NR3C2: variants seen among roughly 807,000 people sequenced by gnomAD.
The protein encoded by NR3C2 is mineralocorticoid receptor.
Under a neutral mutation model 86.4 loss-of-function variants are expected in NR3C2, and 15 were observed. That is an observed-to-expected ratio of 0.17 (90% CI 0.12 to 0.27). NR3C2 has a LOEUF of 0.27. Ranked by LOEUF, NR3C2 falls within the 10% of genes least tolerant of loss-of-function variation. The pLI is 1.00. For missense variants in NR3C2, 960 were observed against 1,195.6 expected (o/e 0.80, Z 2.91); for synonymous variants, 458 against 450.5 (o/e 1.02, Z -0.21).
At chr4:148,349,730 G>A (rs142511130) in intron 2 of NR3C2, among the ~76,000 whole-genome samples, 13 of 152,182 alleles carry the variant, frequency 8.5e-5, no homozygotes, top group Non-Finnish European at 1.8e-4. Context: ...ATGACAAACA[G>A]TATCACAGTT....
intron 3 of NR3C2, among the ~76,000 whole-genome samples, chr4:148,245,926 G>T (rs1030902707): frequency 6.6e-6 from 1 of 152,074 alleles, no homozygotes. Context: ...GCAGTGGGAA[G>T]AATACTTATC....
chr4:148,142,886 G>T (rs989423458), intron 6 of NR3C2, among the ~76,000 whole-genome samples: 2 of 152,156 alleles, frequency 1.3e-5, no homozygotes, highest in African/African-American at 2.4e-5. Context: ...TTAAAAGTGT[G>T]TGGCGCATCC....
intron 2 of NR3C2, among the ~76,000 whole-genome samples, chr4:148,423,568 A>ATTT (rs1749385208): frequency 6.6e-6 from 1 of 152,224 alleles, no homozygotes; most frequent in Admixed American, 6.5e-5. Context: ...GCGGGGGGAA[A>ATTT]AAAGCTGTAT....
intron 2 of NR3C2, among the ~76,000 whole-genome samples, chr4:148,282,643 C>CA (rs1477746086): frequency 6.6e-6 from 1 of 152,078 alleles, no homozygotes; most frequent in Non-Finnish European, 1.5e-5. Flanking sequence ...CCCAGTTAAA[C>CA]ACAGGGTGTG....
intron 3 of NR3C2, among the ~76,000 whole-genome samples, chr4:148,211,264 C>T (rs893073883): frequency 5.3e-5 from 8 of 152,024 alleles, no homozygotes; most frequent in African/African-American, 1.4e-4. Context: ...AAATAAAACC[C>T]GAAAAATATA....
At chr4:148,261,214 T>C (rs1740082878) in intron 2 of NR3C2, among the ~76,000 whole-genome samples, 1 of 151,894 alleles carries the variant, frequency 6.6e-6, no homozygotes, top group Non-Finnish European at 1.5e-5. Context: ...AGCGCTATGG[T>C]AAGCCCTATG....
chr4:148,395,009 T>A (rs1747789956), intron 2 of NR3C2, among the ~76,000 whole-genome samples: 1 of 151,986 alleles, frequency 6.6e-6, no homozygotes, highest in African/African-American at 2.4e-5. Context: ...ATTTGGTGGG[T>A]TGGAAATAAA....
intron 2 of NR3C2, among the ~76,000 whole-genome samples, chr4:148,287,699 G>A (rs72655276): frequency 6.6e-6 from 1 of 152,108 alleles, no homozygotes. Context: ...TCAAGTTCTA[G>A]TAGGAAATAT....
chr4:148,366,788 G>C (rs1163019318), intron 2 of NR3C2, among the ~76,000 whole-genome samples: 2 of 151,918 alleles, frequency 1.3e-5, no homozygotes, highest in Admixed American at 6.6e-5. Flanking sequence ...AAAAAACCCA[G>C]GCAAGAATCA....
chr4:148,084,590 A>G (rs768268557), intron 8 of NR3C2, among the ~76,000 whole-genome samples: 25 of 152,270 alleles, frequency 1.6e-4, no homozygotes, highest in Non-Finnish European at 2.8e-4. Flanking sequence ...CATCGATGCT[A>G]TGAAGAAACT....
At chr4:148,442,750 G>A, upstream of NR3C2, 1 of 985,398 alleles carries the variant, frequency 1.0e-6, no homozygotes, top group South Asian at 4.7e-5. Flanking sequence ...CGGGAGCTTG[G>A]GGTGCCGGGC....
intron 7 of NR3C2, among the ~76,000 whole-genome samples, chr4:148,117,532 ACG>A (rs1732327259): frequency 2.5e-5 from 1 of 40,758 alleles, no homozygotes; most frequent in Non-Finnish European, 7.0e-5. Context: ...TATCACACTT[ACG>A]TGCCTCCGTT....
intron 6 of NR3C2, among the ~76,000 whole-genome samples, chr4:148,140,482 C>T (rs1018247721): frequency 4.6e-5 from 7 of 152,228 alleles, no homozygotes; most frequent in African/African-American, 9.6e-5. Flanking sequence ...TGCAGTGAGC[C>T]GTTGTGCTAC....
At chr4:148,418,223 C>T (rs61758337) in intron 2 of NR3C2, among the ~76,000 whole-genome samples, 9 of 152,032 alleles carry the variant, frequency 5.9e-5, no homozygotes, top group Non-Finnish European at 1.3e-4. Flanking sequence ...TGTTATAGTC[C>T]ATAATAAGCA....
At chr4:148,314,147 G>A (rs1743043806) in intron 2 of NR3C2, among the ~76,000 whole-genome samples, 1 of 152,090 alleles carries the variant, frequency 6.6e-6, no homozygotes, top group Non-Finnish European at 1.5e-5. Context: ...ATATTGGGGG[G>A]AAAGATCTTC....
chr4:148,419,845 CAAT>C (rs1469973904), intron 2 of NR3C2, among the ~76,000 whole-genome samples: 1 of 152,082 alleles, frequency 6.6e-6, no homozygotes, highest in African/African-American at 2.4e-5. Context: ...CAGTTCATTT[CAAT>C]AATAATTAAG....
chr4:148,315,921 T>C (rs543330105), intron 2 of NR3C2, among the ~76,000 whole-genome samples: 2 of 152,300 alleles, frequency 1.3e-5, no homozygotes, highest in African/African-American at 2.4e-5. Context: ...CTTCCAAAAA[T>C]CTTTCTTACA....
intron 3 of NR3C2, among the ~76,000 whole-genome samples, chr4:148,236,058 C>A (rs1738735437): frequency 6.6e-6 from 1 of 152,208 alleles, no homozygotes; most frequent in Non-Finnish European, 1.5e-5. Context: ...GCCAGTGCAG[C>A]TCCAGGGAGG....
At chr4:148,198,482 T>C (rs954896597) in intron 3 of NR3C2, among the ~76,000 whole-genome samples, 1 of 151,950 alleles carries the variant, frequency 6.6e-6, no homozygotes. Flanking sequence ...GAAAGCACAA[T>C]GAAAAGGGGA....
Sources: gnomAD v4.1 joint callset for allele counts (sites outside exome capture counted in the v4.1 genomes callset) on GRCh38, gnomAD v4.1.1 for gene constraint, MANE v1.5 for transcripts, NCBI Gene and HGNC (gene_info 2026-07-23, HGNC 2026-07-21) for gene names.